NKAIN2: variants seen among roughly 807,000 people sequenced by gnomAD.
NKAIN2 encodes the protein sodium/potassium transporting ATPase interacting 2.
A neutral mutation model predicts 32.6 loss-of-function variants in NKAIN2; 14 were observed. That is an observed-to-expected ratio of 0.43 (90% CI 0.28 to 0.67). The LOEUF (loss-of-function observed/expected upper bound fraction) is 0.67. Among genes scored for constraint, NKAIN2 ranks in the 30% least tolerant of loss-of-function variants. The pLI is 0.17. For synonymous variants in NKAIN2, 80 were observed against 87.2 expected (o/e 0.92, Z 0.46); for missense variants, 198 against 258.3 (o/e 0.77, Z 1.60).
intron 3 of NKAIN2, among the ~76,000 whole-genome samples, chr6:124,545,182 A>G (rs1479146717): frequency 6.6e-6 from 1 of 152,194 alleles, no homozygotes; most frequent in Non-Finnish European, 1.5e-5. Flanking sequence ...GAATTGCTTC[A>G]ATGCCTGCCC....
intron 1 of NKAIN2, among the ~76,000 whole-genome samples, chr6:124,094,619 A>G (rs1330001001): frequency 6.6e-6 from 1 of 152,062 alleles, no homozygotes; most frequent in Non-Finnish European, 1.5e-5. Flanking sequence ...GCTTGTTTCC[A>G]CTCACATAGT....
intron 1 of NKAIN2, among the ~76,000 whole-genome samples, chr6:123,995,654 A>G (rs1330773209): frequency 6.6e-6 from 1 of 152,202 alleles, no homozygotes; most frequent in Admixed American, 6.5e-5. Flanking sequence ...ATCAGGTAAA[A>G]GTCCAAAATA....
At chr6:123,891,921 T>C (rs186498042) in intron 1 of NKAIN2, among the ~76,000 whole-genome samples, 1 of 152,314 alleles carries the variant, frequency 6.6e-6, no homozygotes, top group East Asian at 1.9e-4. Context: ...TCTGATAAAC[T>C]ACATAAAAGA....
chr6:124,244,619 G>A (rs1793295218), intron 1 of NKAIN2, among the ~76,000 whole-genome samples: 1 of 151,730 alleles, frequency 6.6e-6, no homozygotes, highest in Admixed American at 6.6e-5. Flanking sequence ...AATACAAACG[G>A]GTATCCACCA....
intron 1 of NKAIN2, among the ~76,000 whole-genome samples, chr6:124,220,200 T>TTCTCCTTCTCTTTCTCACTATC (rs577442998): frequency 6.6e-6 from 1 of 152,096 alleles, no homozygotes; most frequent in African/African-American, 2.4e-5. Flanking sequence ...TAAGGGGCTC[T>TTCTCCTTCTCTTTCTCACTATC]TCTCCTTCTC....
intron 3 of NKAIN2, among the ~76,000 whole-genome samples, chr6:124,453,884 C>G (rs1180323886): frequency 6.6e-6 from 1 of 151,844 alleles, no homozygotes; most frequent in Non-Finnish European, 1.5e-5. Context: ...TCAGGCTTAC[C>G]TAAGAAAAAT....
chr6:124,036,317 T>C (rs75283151), intron 1 of NKAIN2, among the ~76,000 whole-genome samples: 266 of 152,278 alleles, frequency 1.7e-3, no homozygotes, highest in African/African-American at 5.9e-3. Flanking sequence ...AATATTTTCC[T>C]TTGTTAGATT....
rs182961322 is a variant in NKAIN2 at position 124,335,411 on chromosome 6, A to G, written c.193-19856A>G. Among the ~76,000 whole-genome samples the G allele has an allele frequency of 6.6e-5, 10 of 152,280 alleles. 1 individual carries two copies. In the East Asian group the frequency reaches 1.9e-3, roughly 29 times the overall value. The stretch of plus-strand genomic sequence containing the variant: ...GATCTTTTTAAGGTTCTACTGATTG[A>G]TGTCTCATATTTCCCAATTAAGATA... On this transcript the variant is annotated intron_variant, in intron 2 of 6. Transcript: ENST00000368417.
intron 1 of NKAIN2, among the ~76,000 whole-genome samples, chr6:124,122,158 T>G (rs1216101029): frequency 6.6e-6 from 1 of 152,056 alleles, no homozygotes; most frequent in African/African-American, 2.4e-5. Context: ...CAAAATAGAT[T>G]ACTTAAAGTC....
At chr6:124,283,250 ACT>A (rs1421737793) in intron 2 of NKAIN2, 108 bp downstream of exon 2, 1 of 694,282 alleles carries the variant, frequency 1.4e-6, no homozygotes, top group African/African-American at 1.8e-5. Context: ...AGATGTGGAT[ACT>A]CTCTTTTAAG....
chr6:124,079,831 G>A (rs1006009430), intron 1 of NKAIN2, among the ~76,000 whole-genome samples: 6 of 151,524 alleles, frequency 4.0e-5, no homozygotes, highest in African/African-American at 1.2e-4. Context: ...ACAGTCTCCC[G>A]AAACACAGGA....
chr6:124,119,751 G>C (rs4640905), intron 1 of NKAIN2, among the ~76,000 whole-genome samples: 2,661 of 152,248 alleles, frequency 0.017, 33 homozygotes, highest in Non-Finnish European at 0.028. Flanking sequence ...CAGTCCATGT[G>C]AGCAAGGCAT....
At chr6:123,986,967 G>A (rs1406134787) in intron 1 of NKAIN2, among the ~76,000 whole-genome samples, 4 of 152,154 alleles carry the variant, frequency 2.6e-5, no homozygotes, top group African/African-American at 9.7e-5. Context: ...CGATATATAG[G>A]AGGACTATAA....
At chr6:124,689,463 T>G (rs1434918446) in intron 4 of NKAIN2, among the ~76,000 whole-genome samples, 1 of 152,160 alleles carries the variant, frequency 6.6e-6, no homozygotes, top group Non-Finnish European at 1.5e-5. Context: ...TTAATTTTAA[T>G]GAAAAGCATC....
In NKAIN2 at chr6:124,465,854, A is replaced by G. The variant is rs563374888; in HGVS notation, c.273+110507A>G. ...ATAGTTAGAAAGTTTTAACTTTTAG[A>G]AAATGATTTTATGAAATTAGCCTGT... On this transcript the variant is annotated intron_variant, in intron 3 of 6. Coordinates refer to ENST00000368417, the MANE Select transcript of NKAIN2 (RefSeq NM_001040214.3). Among the ~76,000 whole-genome samples the G allele has an allele frequency of 5.9e-5, 9 of 152,262 alleles. No individual in the cohort carries two copies. In the South Asian group the frequency reaches 1.7e-3, roughly 28 times the overall value.
chr6:124,219,287 T>C (rs895988988), intron 1 of NKAIN2, among the ~76,000 whole-genome samples: 1 of 151,352 alleles, frequency 6.6e-6, no homozygotes, highest in Non-Finnish European at 1.5e-5. Flanking sequence ...TTTTTTCTTT[T>C]TTTTTTTTGA....
At chr6:124,211,459 A>G (rs764322615) in intron 1 of NKAIN2, among the ~76,000 whole-genome samples, 31 of 151,914 alleles carry the variant, frequency 2.0e-4, no homozygotes, top group African/African-American at 6.5e-4. Context: ...ACTTTAGGAC[A>G]CTTGTTATTT....
intron 1 of NKAIN2, among the ~76,000 whole-genome samples, chr6:124,210,932 T>A: frequency 1.3e-5 from 2 of 151,662 alleles, no homozygotes; most frequent in African/African-American, 4.9e-5. Flanking sequence ...TACTCTTTAT[T>A]TACTTATCTT....
At chr6:124,293,038 A>G (rs890836075) in intron 2 of NKAIN2, among the ~76,000 whole-genome samples, 2 of 152,240 alleles carry the variant, frequency 1.3e-5, no homozygotes, top group Middle Eastern at 6.8e-3. Flanking sequence ...TGGCAATAGC[A>G]AAAATCTCAG....
Sources: gnomAD v4.1 joint callset for allele counts (sites outside exome capture counted in the v4.1 genomes callset) on GRCh38, gnomAD v4.1.1 for gene constraint, MANE v1.5 for transcripts, NCBI Gene and HGNC (gene_info 2026-07-23, HGNC 2026-07-21) for gene names.